The following ELOVL6 variants were observed in gnomAD, a reference collection of about 807,000 sequenced individuals.
The protein encoded by ELOVL6 is ELOVL fatty acid elongase 6.
A neutral mutation model predicts 31.7 loss-of-function variants in ELOVL6; 8 were observed. The observed-to-expected ratio is 0.25, with a 90% CI of 0.15 to 0.45. The LOEUF (loss-of-function observed/expected upper bound fraction) is 0.45, where lower values mean the gene tolerates loss of function less well. Among genes scored for constraint, ELOVL6 ranks in the 20% least tolerant of loss-of-function variants. The pLI, the probability that ELOVL6 is intolerant of heterozygous loss-of-function variation, is 1.00. For synonymous variants in ELOVL6, 101 were observed against 117.7 expected (o/e 0.86, Z 0.92); for missense variants, 126 against 326.4 (o/e 0.39, Z 4.73).
rs77151426 is a variant in ELOVL6, at chr4:110,126,826, T to C, written c.90-21198A>G. On this transcript the variant is annotated intron_variant, in intron 1 of 3. Transcript: ENST00000302274. Reference sequence around the variant, plus strand: ...CCACTATTTCATGCTTTTATCATGATGATTTAGCTACCTATCTTCAGCCAC... The same window carrying C: ...CCACTATTTCATGCTTTTATCATGACGATTTAGCTACCTATCTTCAGCCAC... 2.5e-3 allele frequency among the ~76,000 whole-genome samples: 380 copies of C among 152,306 alleles called. 3 individuals carry two copies. Among genetic ancestry groups the C allele is most frequent in the African/African-American group, 8.8e-3 (364 of 41,564 alleles).
At chr4:110,107,932 G>A (rs1202042590) in intron 1 of ELOVL6, among the ~76,000 whole-genome samples, 1 of 152,106 alleles carries the variant, frequency 6.6e-6, no homozygotes, top group African/African-American at 2.4e-5. Context: ...CAGGCTTAGA[G>A]GTAAAGTAGC....
rs551890682 is a variant in ELOVL6 at position 110,051,894 on chromosome 4, G to T, written c.374-132C>A. The T allele has an allele frequency of 8.5e-6, 6 of 704,030 alleles. No individual in the cohort carries two copies. Among genetic ancestry groups the T allele is most frequent in the African/African-American group, 1.8e-5 (1 of 55,584 alleles). The allele number at this position is 704,030 out of a possible 1,614,324, so 43.6% of individuals were successfully genotyped here. ...ATAGACTGGATTAGAACCCTGAACTGGTACTTACTAGCTCTGTGACCCTGG... is the reference window on the plus strand; with the variant it reads ...ATAGACTGGATTAGAACCCTGAACTTGTACTTACTAGCTCTGTGACCCTGG... On this transcript the variant is annotated intron_variant, in intron 3 of 3. Transcript: ENST00000302274. This position sits in a 1 kb window ranked among gnomAD's most constrained non-coding sequence, Gnocchi z 4.8.
rs961739331 is a variant in ELOVL6, at chr4:110,047,424, T to A, written c.*3914A>T. 1.3e-5 allele frequency: 2 copies of A among 151,748 alleles called. No homozygotes were observed. The highest frequency in any genetic ancestry group is 6.6e-5 in the Admixed American group (1 of 15,240). The allele number at this position is 151,748 out of a possible 1,614,324, so 9.4% of individuals were successfully genotyped here. A position where few individuals can be genotyped will look rare whatever the true frequency, so the allele number is the denominator to read the frequency against. On this transcript the variant is annotated 3_prime_UTR_variant, in exon 4 of 4. Coordinates refer to ENST00000302274, the MANE Select transcript of ELOVL6 (RefSeq NM_024090.3). ...TGGTCTCTGAGTAGAGGCTGTACTATCAGAATAAAGAAAAAATAGTAACCT... is the reference window on the plus strand; with the variant it reads ...TGGTCTCTGAGTAGAGGCTGTACTAACAGAATAAAGAAAAAATAGTAACCT...
chr4:110,189,220 G>A (rs1292567481), intron 1 of ELOVL6, among the ~76,000 whole-genome samples: 2 of 152,080 alleles, frequency 1.3e-5, no homozygotes, highest in Non-Finnish European at 2.9e-5. Flanking sequence ...CGGAGTTTGA[G>A]ATTACAGTGA....
chr4:110,113,905 A>G (rs1203879072), intron 1 of ELOVL6, among the ~76,000 whole-genome samples: 1 of 152,230 alleles, frequency 6.6e-6, no homozygotes, highest in Non-Finnish European at 1.5e-5. Flanking sequence ...CGAGAAAGGT[A>G]GCATATTAAT....
Position 110,084,423 on chromosome 4 carries a change from T to TCG in ELOVL6, c.221+21073_221+21074insCG, listed in dbSNP as rs1324158382. Among the ~76,000 whole-genome samples the TCG allele has an allele frequency of 6.1e-3, 485 of 79,612 alleles. 27 individuals are homozygous for TCG. Among genetic ancestry groups the TCG allele is most frequent in the East Asian group, 0.015 (39 of 2,622 alleles). 52.2% of individuals were successfully genotyped at this position (79,612 alleles called of 152,430 possible). Reference sequence around the variant, plus strand: ...TATGATATATGACATACATGATATATCACATATATCATATATGATATATCG... The same window carrying TCG: ...TATGATATATGACATACATGATATATCGCACATATATCATATATGATATATCG... On this transcript the variant is annotated intron_variant, in intron 2 of 3. Transcript: ENST00000302274.
chr4:110,197,662 G>A (rs983837798), intron 1 of ELOVL6, among the ~76,000 whole-genome samples: 13 of 152,064 alleles, frequency 8.5e-5, no homozygotes, highest in Non-Finnish European at 1.8e-4. Flanking sequence ...GGGGAAAGGG[G>A]TACTAAAAAG....
At chr4:110,157,140 A>G (rs1045758947) in intron 1 of ELOVL6, among the ~76,000 whole-genome samples, 1 of 152,172 alleles carries the variant, frequency 6.6e-6, no homozygotes, top group Admixed American at 6.5e-5. Flanking sequence ...AAGAAGGAGG[A>G]GGGAAAAGAA....
intron 1 of ELOVL6, among the ~76,000 whole-genome samples, chr4:110,169,238 G>GTTTTTTTTTTTTT (rs140593620): frequency 7.3e-6 from 1 of 136,732 alleles, no homozygotes. Flanking sequence ...GGGGTTTTTT[G>GTTTTTTTTTTTTT]TTTTGTTTTT....
chr4:110,067,622 G>A (rs985735521), intron 2 of ELOVL6, among the ~76,000 whole-genome samples: 3 of 152,114 alleles, frequency 2.0e-5, no homozygotes, highest in African/African-American at 7.2e-5. Flanking sequence ...AAATTACAAT[G>A]AACACAATAC....
intron 1 of ELOVL6, among the ~76,000 whole-genome samples, chr4:110,143,654 G>A (rs1179527284): frequency 6.6e-6 from 1 of 152,110 alleles, no homozygotes; most frequent in Non-Finnish European, 1.5e-5. Flanking sequence ...GATTCCCCAG[G>A]CAATTTGGAT....
intron 1 of ELOVL6, chr4:110,117,926 C>CTATATCTATATCTATCTA (rs1321224817): frequency 1.3e-4 from 2 of 15,108 alleles, no homozygotes; most frequent in African/African-American, 3.4e-4. Flanking sequence ...ATATATATAT[C>CTATATCTATATCTATCTA]TCCCCAGAGA....
intron 2 of ELOVL6, among the ~76,000 whole-genome samples, chr4:110,090,600 C>CTTTTTTGTTTTTTTTTTTTTT (rs1553956743): frequency 2.1e-4 from 22 of 103,716 alleles, no homozygotes; most frequent in South Asian, 3.3e-4. Flanking sequence ...GTTTGACTTT[C>CTTTTTTGTTTTTTTTTTTTTT]TTTTTTTTTT....
rs1357550939 is a variant in ELOVL6, at chr4:110,117,924, A to ATATATATATATC, written c.90-12297_90-12296insGATATATATATA. ...AAAAAATATATATATATATATATAT[A>ATATATATATATC]TCTCCCCAGAGAGGAGAAAAAGGAA... On this transcript the variant is annotated intron_variant, in intron 1 of 3. Coordinates refer to ENST00000302274, the MANE Select transcript of ELOVL6 (RefSeq NM_024090.3). 73 of 22,610 alleles carry ATATATATATATC rather than the reference A, an allele frequency of 3.2e-3. 1 individual carries two copies. The highest frequency in any genetic ancestry group is 4.0e-3 in the Non-Finnish European group (58 of 14,572). The allele number at this position is 22,610 out of a possible 1,614,324, so 1.4% of individuals were successfully genotyped here.
intron 1 of ELOVL6, among the ~76,000 whole-genome samples, chr4:110,120,093 T>TC (rs1757299668): frequency 6.6e-6 from 1 of 152,192 alleles, no homozygotes; most frequent in Non-Finnish European, 1.5e-5. Flanking sequence ...TAATGTGTCT[T>TC]CCCCTATTCC....
intron 1 of ELOVL6, chr4:110,117,899 A>ATATATATATATATAT (rs1757217629): frequency 1.9e-4 from 1 of 5,304 alleles, no homozygotes; most frequent in East Asian, 6.7e-3. Context: ...AAAAAAAAAA[A>ATATATATATATATAT]AAAAATATAT....
rs1228740313 is a variant in ELOVL6, at chr4:110,048,696, G to A, written c.*2642C>T. On this transcript the variant is annotated 3_prime_UTR_variant, in exon 4 of 4. Transcript: ENST00000302274. ...ATTGAACCTATATTACCAAAATTTT[G>A]TTTTGTTTTGTTTTGTTTTAAAAAA... is the stretch of plus-strand genomic sequence containing the variant. 9.0e-6 allele frequency: 1 copy of A among 110,902 alleles called. No homozygotes were observed. The highest frequency in any genetic ancestry group is 1.7e-5 in the Non-Finnish European group (1 of 59,886). 6.9% of individuals were successfully genotyped at this position (110,902 alleles called of 1,614,324 possible). A position where few individuals can be genotyped will look rare whatever the true frequency, so the allele number is the denominator to read the frequency against.
chr4:110,149,204 T>TA (rs1251183032), intron 1 of ELOVL6, among the ~76,000 whole-genome samples: 3 of 152,160 alleles, frequency 2.0e-5, no homozygotes, highest in Non-Finnish European at 2.9e-5. Context: ...TAGTACAACC[T>TA]GTATGGAAAA....
At chr4:110,189,592 C>CAAAAA (rs761765202) in intron 1 of ELOVL6, among the ~76,000 whole-genome samples, 14 of 75,344 alleles carry the variant, frequency 1.9e-4, no homozygotes, top group Non-Finnish European at 2.8e-4. Context: ...GACTCTGTCT[C>CAAAAA]AAAAAAAAAA....
Sources: allele counts gnomAD v4.1 joint callset (sites outside exome capture counted in the v4.1 genomes callset), GRCh38; gene constraint gnomAD v4.1.1; non-coding constraint Gnocchi (gnomAD v3.1); transcripts MANE v1.5; gene names NCBI Gene and HGNC (gene_info 2026-07-23, HGNC 2026-07-21).